Variants in AMZ1 observed in about 807,000 individuals in gnomAD.
The protein encoded by AMZ1 is archaemetzincin-1.
In AMZ1, 39 loss-of-function variants were observed where a neutral mutation model predicts 29.9. The observed-to-expected ratio is 1.30, with a 90% CI of 1.01 to 1.70. The LOEUF is 1.70. AMZ1 is among the 40% of genes most tolerant of loss of function. The pLI is 0.00. For synonymous variants in AMZ1, 458 were observed against 304.0 expected (o/e 1.51, Z -5.27); for missense variants, 1,041 against 680.6 (o/e 1.53, Z -5.89).
intron 4 of AMZ1, among the ~76,000 whole-genome samples, chr7:2,749,385 AT>A (rs1482813352): frequency 2.6e-5 from 4 of 152,062 alleles, no homozygotes; most frequent in African/African-American, 9.7e-5. Flanking sequence ...ACTAGAAACC[AT>A]CATTGTCAGC....
At position 2,703,038 on chromosome 7, in the gene AMZ1, A is replaced by G. The variant is rs78366675; in HGVS notation, c.472+149A>G. ...TCCCAGGTGTTTGGGAAGCAGGACC[A>G]AGCCGGAGAGCTCCTTCTTCCCACC... On this transcript the variant is annotated intron_variant, in intron 3 of 6. Coordinates refer to ENST00000683327, the MANE Select transcript of AMZ1 (RefSeq NM_001384743.1). 9,981 of 1,164,240 alleles carry G rather than the reference A, an allele frequency of 8.6e-3. 657 individuals carry two copies. The African/African-American group carries it at 0.14, about 16-fold the overall frequency. 72.1% of individuals were successfully genotyped at this position (1,164,240 alleles called of 1,614,324 possible). A position where few individuals can be genotyped will look rare whatever the true frequency, so the allele number is the denominator to read the frequency against.
upstream of AMZ1, among the ~76,000 whole-genome samples, chr7:2,687,543 G>A (rs961617495): frequency 4.6e-5 from 7 of 152,228 alleles, no homozygotes; most frequent in Non-Finnish European, 2.9e-5. Flanking sequence ...CCGTCATGCC[G>A]GCCTTCACGG....
rs1789314761 is a variant in AMZ1, at chr7:2,719,304, T to C, written c.*6426T>C. ...CAGTTGTTTCACGTGGGGCTCTTGA[T>C]GGCATAACCTGATGTCTGTCACGGA... On this transcript the variant is annotated 3_prime_UTR_variant, in exon 7 of 7. Coordinates refer to ENST00000683327, the MANE Select transcript of AMZ1 (RefSeq NM_001384743.1). Among the ~76,000 whole-genome samples the C allele has an allele frequency of 6.6e-6, 1 of 152,226 alleles. No individual in the cohort carries two copies. Among genetic ancestry groups the C allele is most frequent in the South Asian group, 2.1e-4 (1 of 4,834 alleles).
upstream of AMZ1, among the ~76,000 whole-genome samples, chr7:2,764,136 T>C (rs999447062): frequency 2.0e-5 from 3 of 152,028 alleles, no homozygotes; most frequent in African/African-American, 7.2e-5. Flanking sequence ...CGTGGTGCAA[T>C]CATGGCTCAC....
chr7:2,722,034 G>T (rs562951964), downstream of AMZ1, among the ~76,000 whole-genome samples: 1 of 152,128 alleles, frequency 6.6e-6, no homozygotes, highest in Non-Finnish European at 1.5e-5. Flanking sequence ...CAGAGCACTC[G>T]GTTCCTTTCT....
chr7:2,761,929 G>A (rs879393236), upstream of AMZ1, among the ~76,000 whole-genome samples: 3 of 152,138 alleles, frequency 2.0e-5, no homozygotes, highest in Non-Finnish European at 4.4e-5. Context: ...ATGTCCAAAT[G>A]TAAGGGAAAA....
At chr7:2,734,879 T>C (rs952336498) in intron 4 of AMZ1, among the ~76,000 whole-genome samples, 1 of 152,080 alleles carries the variant, frequency 6.6e-6, no homozygotes, top group African/African-American at 2.4e-5. Context: ...AGCTCTGCAG[T>C]AGGGAAGGCA....
chr7:2,692,337 G>T (rs537731673), intron 1 of AMZ1, among the ~76,000 whole-genome samples: 3 of 151,970 alleles, frequency 2.0e-5, no homozygotes, highest in South Asian at 2.1e-4. Context: ...TCAGGAGATC[G>T]AGACCATCCT....
chr7:2,761,552 A>C (rs1267429407), upstream of AMZ1, among the ~76,000 whole-genome samples: 1 of 152,206 alleles, frequency 6.6e-6, no homozygotes, highest in Non-Finnish European at 1.5e-5. Flanking sequence ...GCCCTCCAGA[A>C]TTGTCACTAC....
intron 1 of AMZ1, among the ~76,000 whole-genome samples, chr7:2,695,036 T>C (rs1787624777): frequency 6.6e-6 from 1 of 152,208 alleles, no homozygotes; most frequent in Non-Finnish European, 1.5e-5. Context: ...GGGACCCGCC[T>C]GGCCTCTTTT....
At chr7:2,745,855 G>C (rs1355282007) in intron 4 of AMZ1, among the ~76,000 whole-genome samples, 1 of 152,078 alleles carries the variant, frequency 6.6e-6, no homozygotes, top group African/African-American at 2.4e-5. Context: ...ACAGAAAAAC[G>C]CAGGGGTTGC....
rs778945666 is a variant in AMZ1, at chr7:2,702,875, TC to T, written c.460del (p.Gln154SerfsTer11). 12 of 1,587,232 alleles carry T rather than the reference TC, an allele frequency of 7.6e-6. No individual in the cohort carries two copies. The highest frequency in any genetic ancestry group is 7.7e-6 in the Non-Finnish European group (9 of 1,173,184). On this transcript the variant is annotated frameshift_variant, in exon 3 of 7. Coordinates refer to ENST00000683327, the MANE Select transcript of AMZ1 (RefSeq NM_001384743.1). LOFTEE classifies it high-confidence loss of function. ...CGGCCCAGCCGGGACTCTGACAGGC[TC>T]CAGCTCCACACAGGTGAGTGAGGAC... ...SSRPSRDSDR[L>X]QLHTDGILSF...
chr7:2,732,008 G>A (rs11765492), intron 4 of AMZ1, among the ~76,000 whole-genome samples: 16,942 of 152,126 alleles, frequency 0.11, 1,055 homozygotes, highest in Middle Eastern at 0.18. Flanking sequence ...CAGGCCCAGC[G>A]CAAAACCACA....
intron 4 of AMZ1, among the ~76,000 whole-genome samples, chr7:2,741,698 C>A (rs1205053806): frequency 6.6e-6 from 1 of 152,076 alleles, no homozygotes; most frequent in Non-Finnish European, 1.5e-5. Context: ...TTTCAATACA[C>A]AGACTTTTAA....
At chr7:2,737,392 A>C (rs1220884883) in intron 4 of AMZ1, among the ~76,000 whole-genome samples, 1 of 145,892 alleles carries the variant, frequency 6.9e-6, no homozygotes. Context: ...GGGTTCAAGC[A>C]ATTCTCCTGC....
intron 1 of AMZ1, among the ~76,000 whole-genome samples, chr7:2,697,316 C>G (rs987784279): frequency 6.6e-6 from 1 of 151,820 alleles, no homozygotes; most frequent in Admixed American, 6.6e-5. Flanking sequence ...AGGATGGTCT[C>G]GAACTCCTGA....
chr7:2,756,322 A>C (rs1371327071), intron 4 of AMZ1, among the ~76,000 whole-genome samples: 1 of 152,184 alleles, frequency 6.6e-6, no homozygotes, highest in African/African-American at 2.4e-5. Context: ...GTCCTATATA[A>C]ATCTAATTCA....
At chr7:2,707,035 G>C (rs2115144158) in intron 3 of AMZ1, among the ~76,000 whole-genome samples, 1 of 152,298 alleles carries the variant, frequency 6.6e-6, no homozygotes, top group Admixed American at 6.5e-5. Context: ...AGCACTTTGG[G>C]AGACCGAGGC....
chr7:2,680,385 C>G (rs551051668), intron 1 of AMZ1, among the ~76,000 whole-genome samples: 17 of 152,292 alleles, frequency 1.1e-4, no homozygotes, highest in African/African-American at 3.6e-4. Flanking sequence ...CCAGCAGGCA[C>G]TGGAGACCCC....
Sources: allele counts gnomAD v4.1 joint callset (sites outside exome capture counted in the v4.1 genomes callset), GRCh38; gene constraint gnomAD v4.1.1; transcripts MANE v1.5; gene names NCBI Gene and HGNC (gene_info 2026-07-23, HGNC 2026-07-21).